CEP128: variants seen among roughly 807,000 people sequenced by gnomAD.
CEP128 encodes the protein centrosomal protein 128, also known as centrosomal protein 128kDa.
Under a neutral mutation model 156.7 loss-of-function variants are expected in CEP128, and 132 were observed. The observed-to-expected ratio is 0.84, with a 90% CI of 0.73 to 0.97. The LOEUF is 0.97. Among genes scored for constraint, CEP128 ranks in the 50% least tolerant of loss-of-function variants. The probability of loss-of-function intolerance (pLI) is 0.00; values close to 1 mark genes in which losing one functional copy is unlikely to be tolerated. For missense variants in CEP128, 1,252 were observed against 1,281.9 expected (o/e 0.98, Z 0.36); for synonymous variants, 469 against 448.9 (o/e 1.04, Z -0.57).
chr14:80,908,326 C>CT (rs1300654707), intron 4 of CEP128, among the ~76,000 whole-genome samples: 1 of 152,078 alleles, frequency 6.6e-6, no homozygotes, highest in Non-Finnish European at 1.5e-5. Context: ...TTAGTTATAC[C>CT]TTTTTACCAA....
intron 16 of CEP128, among the ~76,000 whole-genome samples, chr14:80,762,480 C>T (rs1223645456): frequency 2.0e-5 from 3 of 151,606 alleles, no homozygotes; most frequent in African/African-American, 7.3e-5. Flanking sequence ...ACAAACCCAA[C>T]CTGAACTGAA....
At chr14:80,614,131 T>C (rs1205274656) in intron 19 of CEP128, among the ~76,000 whole-genome samples, 4 of 151,662 alleles carry the variant, frequency 2.6e-5, no homozygotes, top group Middle Eastern at 3.4e-3. Context: ...ACAAAAAATA[T>C]ACATAAAATT....
In CEP128 at chr14:80,754,495, G is replaced by C. The variant is rs1014381598; in HGVS notation, c.2613+2397C>G. ...TTTTTTTTTTTTGAGATGGAGTCTT[G>C]CTCTGTCACCAGAATGGGGTGCAGT... On this transcript the variant is annotated intron_variant, in intron 18 of 24. Coordinates refer to ENST00000555265, the MANE Select transcript of CEP128 (RefSeq NM_152446.5). Among the ~76,000 whole-genome samples the C allele has an allele frequency of 6.8e-5, 8 of 118,124 alleles. No individual in the cohort carries two copies. In the South Asian group the frequency reaches 1.1e-3, roughly 16 times the overall value. The allele number at this position is 118,124 out of a possible 152,430, so 77.5% of individuals were successfully genotyped here.
intron 2 of CEP128, among the ~76,000 whole-genome samples, chr14:80,937,776 A>G (rs1366239760): frequency 6.6e-6 from 1 of 152,200 alleles, no homozygotes; most frequent in Non-Finnish European, 1.5e-5. Flanking sequence ...TCTATAATAT[A>G]CATGCTAATA....
At chr14:80,668,554 T>G (rs916619487) in intron 19 of CEP128, among the ~76,000 whole-genome samples, 2 of 152,152 alleles carry the variant, frequency 1.3e-5, no homozygotes, top group Non-Finnish European at 2.9e-5. Context: ...TTATGTCACA[T>G]GAAGAATAGA....
At chr14:80,826,805 AT>A (rs58492955) in intron 13 of CEP128, among the ~76,000 whole-genome samples, 23,328 of 151,914 alleles carry the variant, frequency 0.15, 2,095 homozygotes, top group Admixed American at 0.22. Context: ...TAAAAGTCAA[AT>A]TTTTTTTCAA....
In CEP128 at chr14:80,817,560, G is replaced by T. The variant is rs145611585; in HGVS notation, c.1209+13583C>A. Among the ~76,000 whole-genome samples, 612 of 152,218 alleles carry T rather than the reference G, an allele frequency of 4.0e-3. 1 individual carries two copies. The highest frequency in any genetic ancestry group is 6.7e-3 in the Non-Finnish European group (453 of 67,998). ...TTATTTTTGAAAAACAAAAATTCTGGAATTGAAATGTATAATAACTATAAT... is the reference window on the plus strand; with the variant it reads ...TTATTTTTGAAAAACAAAAATTCTGTAATTGAAATGTATAATAACTATAAT... On this transcript the variant is annotated intron_variant, in intron 13 of 24. Transcript: ENST00000555265.
chr14:80,647,542 G>A (rs2140832134), intron 19 of CEP128, among the ~76,000 whole-genome samples: 1 of 151,854 alleles, frequency 6.6e-6, no homozygotes, highest in South Asian at 2.1e-4. Flanking sequence ...CTTTCTTGAT[G>A]TTTAAATAAG....
At position 80,916,501 on chromosome 14, in the gene CEP128, C is replaced by T. The variant is rs7160694; in HGVS notation, c.47G>A (p.Arg16Gln). The T allele has an allele frequency of 1.3e-3, 2,037 of 1,613,882 alleles. 20 individuals are homozygous for T. The African/African-American group carries it at 0.024, about 19-fold the overall frequency. ...TGATCTGGCAGCCCATGGACTCAATCGGTCACGACAGCGGAAGTGATCTGA... is the reference window on the plus strand; with the variant it reads ...TGATCTGGCAGCCCATGGACTCAATTGGTCACGACAGCGGAAGTGATCTGA... ...SESDHFRCRD[R>Q]LSPWAARSTH... Residue 16 changes from arginine to glutamine, a missense_variant, in exon 3 of 25, where the codon CGA becomes CAA. Coordinates refer to ENST00000555265, the MANE Select transcript of CEP128 (RefSeq NM_152446.5).
intron 19 of CEP128, among the ~76,000 whole-genome samples, chr14:80,692,882 G>A (rs1595229133): frequency 6.6e-6 from 1 of 152,096 alleles, no homozygotes; most frequent in African/African-American, 2.4e-5. Flanking sequence ...TTACACAAAG[G>A]TTTTGCATCT....
chr14:80,675,333 T>C (rs529962156), intron 19 of CEP128, among the ~76,000 whole-genome samples: 87 of 152,186 alleles, frequency 5.7e-4, no homozygotes, highest in African/African-American at 2.1e-3. Context: ...GTAGTATTAC[T>C]GGAACATACA....
chr14:80,516,160 C>T (rs758272534), intron 23 of CEP128, among the ~76,000 whole-genome samples: 2 of 152,106 alleles, frequency 1.3e-5, no homozygotes, highest in Non-Finnish European at 2.9e-5. Context: ...GCAAGACCTA[C>T]GGGCTCTTTA....
intron 21 of CEP128, among the ~76,000 whole-genome samples, chr14:80,553,146 G>A (rs1229482595): frequency 6.6e-6 from 1 of 151,412 alleles, no homozygotes; most frequent in Non-Finnish European, 1.5e-5. Flanking sequence ...TTGTTACATA[G>A]GTACACATGT....
chr14:80,478,931 T>C (rs988790412), intron 14 of CEP128, among the ~76,000 whole-genome samples: 3 of 152,216 alleles, frequency 2.0e-5, no homozygotes, highest in African/African-American at 7.2e-5. Flanking sequence ...CTGTGATTTG[T>C]TGCTGATTAA....
chr14:80,652,422 G>T (rs1894947547), intron 19 of CEP128, among the ~76,000 whole-genome samples: 1 of 151,956 alleles, frequency 6.6e-6, no homozygotes, highest in Admixed American at 6.6e-5. Context: ...CAGAATAAGA[G>T]AACAATTTTT....
At chr14:80,579,674 C>G (rs1184091931) in intron 20 of CEP128, among the ~76,000 whole-genome samples, 1 of 152,194 alleles carries the variant, frequency 6.6e-6, no homozygotes, top group African/African-American at 2.4e-5. Context: ...AAAGTATTTA[C>G]TGTTCTTAGT....
At chr14:80,675,689 G>A (rs1285102638) in intron 19 of CEP128, among the ~76,000 whole-genome samples, 1 of 151,896 alleles carries the variant, frequency 6.6e-6, no homozygotes, top group African/African-American at 2.4e-5. Context: ...TGGTCTCTTT[G>A]CTTTTTTGTT....
intron 8 of CEP128, among the ~76,000 whole-genome samples, chr14:80,880,730 G>A (rs1362109224): frequency 6.6e-6 from 1 of 150,522 alleles, no homozygotes; most frequent in Non-Finnish European, 1.5e-5. Flanking sequence ...GGGCATGGTG[G>A]TGGGCGCCTG....
At chr14:80,656,817 G>A (rs1329493871) in intron 19 of CEP128, among the ~76,000 whole-genome samples, 2 of 152,078 alleles carry the variant, frequency 1.3e-5, no homozygotes, top group African/African-American at 2.4e-5. Flanking sequence ...CTGGTTGTGG[G>A]TACAACTAAG....
Sources: allele counts gnomAD v4.1 joint callset (sites outside exome capture counted in the v4.1 genomes callset), GRCh38; gene constraint gnomAD v4.1.1; transcripts MANE v1.5; gene names NCBI Gene and HGNC (gene_info 2026-07-23, HGNC 2026-07-21).